Variants in TLN1 observed in about 807,000 individuals in gnomAD.
TLN1 encodes talin-1.
A neutral mutation model predicts 292.3 loss-of-function variants in TLN1; 56 were observed. That is an observed-to-expected ratio of 0.19 (90% CI 0.15 to 0.24). The LOEUF (loss-of-function observed/expected upper bound fraction) is 0.24. Among genes scored for constraint, TLN1 ranks in the 10% least tolerant of loss-of-function variants. TLN1 has a pLI of 1.00. For synonymous variants in TLN1, 1,119 were observed against 1,253.7 expected, an observed-to-expected ratio of 0.89 and a Z score of 2.27; for missense variants, 2,433 against 3,248.2, an observed-to-expected ratio of 0.75 and a Z score of 6.10.
rs1208671195 is a variant in TLN1, at chr9:35,723,983, T to C, written c.751A>G (p.Asn251Asp). Residue 251 changes from asparagine (N) to aspartate (D), a missense_variant, in exon 7 of 57, where the codon AAT (asparagine) becomes GAT (aspartate). Transcript: ENST00000314888. Reference protein sequence around the residue: ...FQCQIQFGPHNEQKHKAGFLD... With the variant: ...FQCQIQFGPHDEQKHKAGFLD... ...AAGCCAGCCTTGTGCTTCTGCTCAT[T>C]GTGGGGCCCAAACTGGATCTGGCAT... 2 of 1,614,020 alleles carry C rather than the reference T, an allele frequency of 1.2e-6. No individual in the cohort carries two copies. The highest frequency in any genetic ancestry group is 1.1e-5 in the South Asian group (1 of 91,072).
intron 7 of TLN1, chr9:35,723,164 C>T (rs1283200004): frequency 3.2e-5 from 11 of 343,694 alleles, no homozygotes; most frequent in East Asian, 2.7e-4. Context: ...TGCAATGGCA[C>T]GATCTCAGCT....
At position 35,719,149 on chromosome 9, in the gene TLN1, G is replaced by A; in HGVS notation, c.1821C>T (p.Pro607=). 1 of 1,614,170 alleles carries A rather than the reference G, an allele frequency of 6.2e-7. No individual in the cohort carries two copies. Among genetic ancestry groups the A allele is most frequent in the Non-Finnish European group, 8.5e-7 (1 of 1,180,036 alleles). ...LLEDEGGSGR[P]LLQAAKGLAG... ...CAAGGCCCTTTGCTGCCTGCAACAG[G>A]GGCCGACCACTGCCGCCTTCGTCCT... is the stretch of plus-strand genomic sequence containing the variant. Residue 607 remains proline (P), a synonymous_variant, in exon 16 of 57, where the codon CCC becomes CCT. Coordinates refer to ENST00000314888, the MANE Select transcript of TLN1 (RefSeq NM_006289.4). This position sits in a 1 kb window ranked among gnomAD's most constrained non-coding sequence, Gnocchi z 4.6.
Position 35,724,246 on chromosome 9 carries a change from T to G in TLN1, c.600A>C (p.Ser200=). 1 of 1,614,184 alleles carries G rather than the reference T, an allele frequency of 6.2e-7. No individual in the cohort carries two copies. The highest frequency in any genetic ancestry group is 8.5e-7 in the Non-Finnish European group (1 of 1,180,028). The change falls in exon 6 of 57, where the codon TCA becomes TCC. Residue 200 remains serine, a synonymous_variant. Coordinates refer to ENST00000314888, the MANE Select transcript of TLN1 (RefSeq NM_006289.4). This position sits in a 1 kb window ranked among gnomAD's most constrained non-coding sequence, Gnocchi z 4.7. ...GGTCCCGGGAATCCACATTCTGGTCTGAGTAAAAGAACTTCCTCCGCAGCA... is the reference window on the plus strand; with the variant it reads ...GGTCCCGGGAATCCACATTCTGGTCGGAGTAAAAGAACTTCCTCCGCAGCA... ...TLLLRRKFFY[S]DQNVDSRDPV... is the part of the protein sequence containing the mutation.
Position 35,705,800 on chromosome 9 carries a change from T to C in TLN1, c.5563A>G (p.Thr1855Ala). 6.2e-7 allele frequency: 1 copy of C among 1,614,226 alleles called. No homozygotes were observed. The highest frequency in any genetic ancestry group is 8.5e-7 in the Non-Finnish European group (1 of 1,180,048). Residue 1855 changes from threonine (T) to alanine (A), a missense_variant, in exon 42 of 57, where the codon ACA becomes GCA. Coordinates refer to ENST00000314888, the MANE Select transcript of TLN1 (RefSeq NM_006289.4). ...GCCTTGGCTGTCCGCACCATAGTTG[T>C]TTGGTAATCCACGAAGGAACCTTCT... ...EPEGSFVDYQ[T>A]TMVRTAKAIA... is the part of the protein sequence containing the mutation.
intron 1 of TLN1, among the ~76,000 whole-genome samples, 151 bp downstream of exon 1, chr9:35,731,924 C>T (rs1399314636): frequency 6.6e-6 from 1 of 152,200 alleles, no homozygotes; most frequent in East Asian, 1.9e-4. Flanking sequence ...CGGCCTACTT[C>T]ACGCCGAGCT....
At chr9:35,727,771 C>A (rs1044107352) in intron 1 of TLN1, among the ~76,000 whole-genome samples, 1 of 152,178 alleles carries the variant, frequency 6.6e-6, no homozygotes, top group Non-Finnish European at 1.5e-5. Flanking sequence ...TGTCTCCCCC[C>A]ATTTCCTCTG....
intron 41 of TLN1, 49 bp from the exon 42 acceptor site, chr9:35,705,900 C>T: frequency 5.6e-6 from 9 of 1,614,156 alleles, no homozygotes; most frequent in Non-Finnish European, 7.6e-6. Context: ...GTCTCTGCCA[C>T]TGTGCTTGGA....
chr9:35,731,724 G>A (rs1194214799), intron 1 of TLN1, among the ~76,000 whole-genome samples: 1 of 151,984 alleles, frequency 6.6e-6, no homozygotes, highest in Non-Finnish European at 1.5e-5. Context: ...CTCCTATAGC[G>A]ACCCTTGATT....
intron 1 of TLN1, among the ~76,000 whole-genome samples, chr9:35,728,528 C>T (rs988905798): frequency 5.9e-5 from 9 of 152,120 alleles, no homozygotes; most frequent in African/African-American, 1.9e-4. Flanking sequence ...AATGCACACT[C>T]ATTCTCCCCA....
intron 29 of TLN1, 30 bp from the exon 30 acceptor site, chr9:35,711,424 T>C: frequency 6.2e-7 from 1 of 1,613,768 alleles, no homozygotes; most frequent in Non-Finnish European, 8.5e-7. Flanking sequence ...CAATGCATTG[T>C]CCTGTCCTTT....
chr9:35,700,416 G>A (rs1563937981), intron 48 of TLN1, 40 bp from the exon 49 acceptor site: 2 of 1,569,658 alleles, frequency 1.3e-6, no homozygotes, highest in Non-Finnish European at 1.7e-6. Flanking sequence ...TACAGTGGCT[G>A]AGACTATGAG....
intron 34 of TLN1, 175 bp from the exon 35 acceptor site, chr9:35,708,067 G>A: frequency 1.3e-6 from 1 of 782,470 alleles, no homozygotes; most frequent in Non-Finnish European, 2.0e-6. Flanking sequence ...AAGATGAACT[G>A]GGCATGGGAG....
At position 35,711,209 on chromosome 9, in the gene TLN1, G is replaced by A. The variant is rs758257986; in HGVS notation, c.4019+46C>T. ...GCTCTCATGAACTGCCTGCTCCCCA[G>A]TCTCTCTCACACAGTCCAGGGCTGG... On this transcript the variant is annotated intron_variant, in intron 30 of 56. Transcript: ENST00000314888. 16 of 1,611,820 alleles carry A rather than the reference G, an allele frequency of 9.9e-6. No homozygotes were observed. The African/African-American group carries it at 1.7e-4, about 17-fold the overall frequency.
At position 35,704,796 on chromosome 9, in the gene TLN1, T is replaced by C; in HGVS notation, c.5753A>G (p.His1918Arg). 1 of 1,613,904 alleles carries C rather than the reference T, an allele frequency of 6.2e-7. No homozygotes were observed. The highest frequency in any genetic ancestry group is 8.5e-7 in the Non-Finnish European group (1 of 1,179,868). Residue 1918 changes from histidine (H) to arginine (R), a missense_variant, in exon 44 of 57, where the codon CAC (histidine) becomes CGC (arginine). Physicochemically the swap from His to Arg is conservative, Grantham distance 29 (BLOSUM62 0). Coordinates refer to ENST00000314888, the MANE Select transcript of TLN1 (RefSeq NM_006289.4). The surrounding 1 kb of genome is among the most constrained non-coding windows in gnomAD (Gnocchi z 6.9). ...ENEEIGSHIK[H>R]RVQELGHGCA... ...GCCATGGCCCAGCTCCTGTACCCGG[T>C]GTTTGATATGGGAACCTATCTGTGA...
At chr9:35,720,402 G>C in intron 12 of TLN1, 31 bp downstream of exon 12, 1 of 1,611,022 alleles carries the variant, frequency 6.2e-7, no homozygotes, top group Non-Finnish European at 8.5e-7. Flanking sequence ...TCTACCCCTG[G>C]GAAATGGGAT....
At position 35,698,747 on chromosome 9, in the gene TLN1, T is replaced by C. The variant is rs1424650814; in HGVS notation, c.7125+61A>G. ...ACTTCAAAGACTCGCTGGCTATGGA[T>C]GTGGATGTGGACATCAAAGTGCCAA... On this transcript the variant is annotated intron_variant, in intron 53 of 56. Transcript: ENST00000314888. This position sits in a 1 kb window ranked among gnomAD's most constrained non-coding sequence, Gnocchi z 5.3. The C allele has an allele frequency of 6.2e-7, 1 of 1,613,920 alleles. No individual in the cohort carries two copies. The highest frequency in any genetic ancestry group is 8.5e-7 in the Non-Finnish European group (1 of 1,179,834).
In TLN1 at chr9:35,698,058, C is replaced by T. The variant is rs1463570444; in HGVS notation, c.7486G>A (p.Gly2496Ser). 1 of 1,614,186 alleles carries T rather than the reference C, an allele frequency of 6.2e-7. No individual in the cohort carries two copies. The highest frequency in any genetic ancestry group is 8.5e-7 in the Non-Finnish European group (1 of 1,180,026). Residue 2496 changes from glycine to serine, a missense_variant, in exon 56 of 57, where the codon GGC (glycine) becomes AGC (serine). By Grantham distance (56) the Gly-to-Ser change is moderately conservative (BLOSUM62 0). Transcript: ENST00000314888. The surrounding 1 kb of genome is among the most constrained non-coding windows in gnomAD (Gnocchi z 5.3). ...ETVVVKEKMV[G>S]GIAQIIAAQE... Reference sequence around the variant, plus strand: ...GTGAAGCTCACCTGGGCAATGCCGCCAACCATCTTCTCTTTCACCACCACT... The same window carrying T: ...GTGAAGCTCACCTGGGCAATGCCGCTAACCATCTTCTCTTTCACCACCACT...
rs1254019628 is a variant in TLN1 at position 35,698,914 on chromosome 9, T to G, written c.7019A>C (p.Asn2340Thr). 1 of 1,614,010 alleles carries G rather than the reference T, an allele frequency of 6.2e-7. No homozygotes were observed. Among genetic ancestry groups the G allele is most frequent in the Admixed American group, 1.7e-5 (1 of 60,008 alleles). ...AKPKEADESL[N>T]FEEQILEAAK... ...AGCTTCTAGTATCTGCTCCTCAAAG[T>G]TCAAGGACTCATCTGCCTCCTGCAA... Residue 2340 changes from asparagine (N) to threonine (T), a missense_variant, in exon 53 of 57, where the codon AAC becomes ACC. Asn to Thr is a moderately conservative substitution (Grantham distance 65). Transcript: ENST00000314888. This position sits in a 1 kb window ranked among gnomAD's most constrained non-coding sequence, Gnocchi z 5.3.
Position 35,698,161 on chromosome 9 carries a change from G to C in TLN1, c.7383C>G (p.Asn2461Lys). ...GATTATCTGAGGCTCGCTTCACTGC[G>C]TTGCCAGCAGCCTGGGCAGAGAGAA... ...EAMKRLQAAG[N>K]AVKRASDNLV... The change falls in exon 56 of 57, where the codon AAC becomes AAG. Residue 2461 changes from asparagine (N) to lysine (K), a missense_variant. Physicochemically the swap from Asn to Lys is moderately conservative, Grantham distance 94 (BLOSUM62 0). Around this residue, in one of 7 missense-constraint regions of TLN1, gnomAD observed 141 missense variants for 248.5 expected, o/e 0.57. Transcript: ENST00000314888. The surrounding 1 kb of genome is among the most constrained non-coding windows in gnomAD (Gnocchi z 5.3). 1 of 1,613,904 alleles carries C rather than the reference G, an allele frequency of 6.2e-7. No individual in the cohort carries two copies. Among genetic ancestry groups the C allele is most frequent in the Non-Finnish European group, 8.5e-7 (1 of 1,180,034 alleles).
Sources: gnomAD v4.1 joint callset for allele counts (sites outside exome capture counted in the v4.1 genomes callset) on GRCh38, gnomAD v4.1.1 for gene constraint, gnomAD v4.1.1 regional missense constraint, Gnocchi (gnomAD v3.1) non-coding constraint, MANE v1.5 for transcripts, NCBI Gene and HGNC (gene_info 2026-07-23, HGNC 2026-07-21) for gene names.